LRBA: variants seen among roughly 807,000 people sequenced by gnomAD.
LRBA encodes lipopolysaccharide-responsive and beige-like anchor protein.
A neutral mutation model predicts 330.0 loss-of-function variants in LRBA; 176 were observed. The observed-to-expected ratio is 0.53, with a 90% CI of 0.47 to 0.60. The LOEUF is 0.60. Ranked by LOEUF, LRBA falls within the 20% of genes least tolerant of loss-of-function variation. LRBA has a pLI of 0.00. For missense variants in LRBA, 3,259 were observed against 3,444.8 expected (o/e 0.95, Z 1.35); for synonymous variants, 1,230 against 1,193.0 (o/e 1.03, Z -0.64).
intron 35 of LRBA, among the ~76,000 whole-genome samples, chr4:150,736,615 G>C (rs1395490635): frequency 6.6e-6 from 1 of 152,020 alleles, no homozygotes; most frequent in African/African-American, 2.4e-5. Flanking sequence ...CATGGTAAAA[G>C]AATCTAATGT....
At chr4:150,657,451 T>C (rs1780315771) in intron 37 of LRBA, among the ~76,000 whole-genome samples, 1 of 152,070 alleles carries the variant, frequency 6.6e-6, no homozygotes, top group African/African-American at 2.4e-5. Context: ...TTTATTCCAT[T>C]TATTCTGAAG....
At chr4:150,311,022 A>G (rs1275978401) in intron 51 of LRBA, 2 of 152,202 alleles carry the variant, frequency 1.3e-5, no homozygotes. Flanking sequence ...TCCTTATTTA[A>G]GCAATAAAAC....
At chr4:150,409,059 A>G (rs1281479370) in intron 47 of LRBA, among the ~76,000 whole-genome samples, 4 of 152,046 alleles carry the variant, frequency 2.6e-5, no homozygotes, top group Admixed American at 2.6e-4. Flanking sequence ...GTCATTACAG[A>G]AGTCTTTATT....
At chr4:150,415,661 C>G (rs1056316032) in intron 46 of LRBA, 71 bp from the exon 47 acceptor site, 3 of 905,688 alleles carry the variant, frequency 3.3e-6, no homozygotes, top group South Asian at 3.5e-5. Flanking sequence ...AAAAAAGGAC[C>G]TGATCATTTT....
intron 7 of LRBA, 71 bp from the exon 8 acceptor site, chr4:150,915,798 T>C: frequency 8.6e-7 from 1 of 1,161,934 alleles, no homozygotes; most frequent in East Asian, 2.7e-5. Context: ...TACTGATGAG[T>C]AAAAGTTAAA....
intron 40 of LRBA, among the ~76,000 whole-genome samples, chr4:150,535,763 A>G (rs1338775848): frequency 6.6e-6 from 1 of 152,192 alleles, no homozygotes. Flanking sequence ...TCAATAAGAA[A>G]GAGATATTTT....
intron 36 of LRBA, among the ~76,000 whole-genome samples, chr4:150,690,927 CTTTTTTTT>C (rs70941427): frequency 1.9e-5 from 2 of 106,328 alleles, no homozygotes; most frequent in African/African-American, 6.5e-5. Flanking sequence ...AACACCTGGT[CTTTTTTTT>C]TTTTTTTTTT....
At chr4:150,576,111 AG>A (rs1193161611) in intron 40 of LRBA, among the ~76,000 whole-genome samples, 1 of 151,238 alleles carries the variant, frequency 6.6e-6, no homozygotes, top group African/African-American at 2.4e-5. Flanking sequence ...GTTATTTGGC[AG>A]GTAAAATTTA....
intron 40 of LRBA, among the ~76,000 whole-genome samples, chr4:150,492,175 G>GAAAAAAAAAAAAAAAAAAAAAAAAA (rs34558110): frequency 7.4e-6 from 1 of 135,464 alleles, no homozygotes; most frequent in African/African-American, 2.9e-5. Context: ...TAGTTTTTTT[G>GAAAAAAAAAAAAAAAAAAAAAAAAA]AAAAAAAAAA....
At chr4:150,759,873 C>T (rs1448983239) in intron 35 of LRBA, among the ~76,000 whole-genome samples, 1 of 152,116 alleles carries the variant, frequency 6.6e-6, no homozygotes, top group African/African-American at 2.4e-5. Context: ...AACCTGAACC[C>T]AGGGCTATCT....
At chr4:150,459,984 C>T (rs1261455765) in intron 44 of LRBA, among the ~76,000 whole-genome samples, 1 of 151,538 alleles carries the variant, frequency 6.6e-6, no homozygotes, top group Non-Finnish European at 1.5e-5. Context: ...TCACTGAAGC[C>T]CAATAAATAG....
chr4:150,685,387 AATATATATATATATATATATAT>A (rs781582762), intron 36 of LRBA, among the ~76,000 whole-genome samples: 1 of 12,336 alleles, frequency 8.1e-5, no homozygotes, highest in Non-Finnish European at 1.3e-4. Flanking sequence ...TAAGGAATCA[AATATATATATATATATATATAT>A]ATATATATAT....
At chr4:150,270,229 A>G (rs75512674) in intron 56 of LRBA, among the ~76,000 whole-genome samples, 1 of 152,234 alleles carries the variant, frequency 6.6e-6, no homozygotes, top group African/African-American at 2.4e-5. Context: ...ACCCAAAAGG[A>G]CTGTAAAAAG....
chr4:150,562,022 T>C (rs1297206352), intron 40 of LRBA, among the ~76,000 whole-genome samples: 1 of 152,194 alleles, frequency 6.6e-6, no homozygotes, highest in Non-Finnish European at 1.5e-5. Flanking sequence ...TGAATGGCTG[T>C]GCTCTCTCTA....
chr4:150,607,916 T>C (rs1289565084), intron 37 of LRBA, among the ~76,000 whole-genome samples: 1 of 152,146 alleles, frequency 6.6e-6, no homozygotes, highest in Non-Finnish European at 1.5e-5. Context: ...GTGCCTGTAA[T>C]CTCAGCTACT....
At chr4:150,685,060 G>T (rs563671717) in intron 36 of LRBA, among the ~76,000 whole-genome samples, 2 of 152,058 alleles carry the variant, frequency 1.3e-5, no homozygotes, top group Admixed American at 1.3e-4. Context: ...TCCTCTCAAG[G>T]TGTAAAAGAA....
chr4:150,294,028 C>T lies in LRBA; in HGVS notation c.8018-7994G>A, dbSNP rs557520738. ...TATGTTATCAGTAAGGCTTCCAAGT[C>T]AACAGTAAGCTATCAGTAGTTAAGT... On this transcript the variant is annotated intron_variant, in intron 53 of 56. Coordinates refer to ENST00000651943, the MANE Select transcript of LRBA (RefSeq NM_001364905.1). Among the ~76,000 whole-genome samples the T allele has an allele frequency of 3.3e-4, 50 of 152,292 alleles. No homozygotes were observed. In the South Asian group the frequency reaches 9.5e-3, roughly 29 times the overall value.
At chr4:150,404,512 C>T (rs1027548441) in intron 47 of LRBA, among the ~76,000 whole-genome samples, 1 of 152,070 alleles carries the variant, frequency 6.6e-6, no homozygotes, top group Admixed American at 6.6e-5. Context: ...GAACATGTGG[C>T]AGGCACTGTG....
chr4:150,839,494 C>A (rs1445510087), intron 28 of LRBA, among the ~76,000 whole-genome samples: 1 of 152,150 alleles, frequency 6.6e-6, no homozygotes, highest in Non-Finnish European at 1.5e-5. Context: ...ATCCAAATGT[C>A]CATCAATGAT....
Sources: allele counts gnomAD v4.1 joint callset (sites outside exome capture counted in the v4.1 genomes callset), GRCh38; gene constraint gnomAD v4.1.1; transcripts MANE v1.5; gene names NCBI Gene and HGNC (gene_info 2026-07-23, HGNC 2026-07-21).